Variants in PRKCH observed in about 807,000 individuals in gnomAD.
PRKCH encodes protein kinase C eta type.
In PRKCH, 28 loss-of-function variants were observed where a neutral mutation model predicts 82.5. That is an observed-to-expected ratio of 0.34 (90% CI 0.25 to 0.47). The LOEUF is 0.47. Ranked by LOEUF, PRKCH falls within the 20% of genes least tolerant of loss-of-function variation. The pLI is 1.00. For synonymous variants in PRKCH, 322 were observed against 327.4 expected (o/e 0.98, Z 0.18); for missense variants, 705 against 881.8 (o/e 0.80, Z 2.54).
At chr14:61,342,528 A>C (rs115539003) in intron 1 of PRKCH, among the ~76,000 whole-genome samples, 1 of 152,198 alleles carries the variant, frequency 6.6e-6, no homozygotes, top group Non-Finnish European at 1.5e-5. Flanking sequence ...TAAACCTGCC[A>C]TTCCACTGGG....
At chr14:61,308,400 A>G (rs2045497965) in intron 1 of PRKCH, among the ~76,000 whole-genome samples, 1 of 152,196 alleles carries the variant, frequency 6.6e-6, no homozygotes, top group African/African-American at 2.4e-5. Context: ...TAAAATGAGT[A>G]ACTCAGGGAA....
At chr14:61,464,525 G>A (rs1885169568) in intron 9 of PRKCH, among the ~76,000 whole-genome samples, 1 of 152,130 alleles carries the variant, frequency 6.6e-6, no homozygotes. Flanking sequence ...AATGCATTAG[G>A]TATTTGTCCT....
intron 9 of PRKCH, among the ~76,000 whole-genome samples, chr14:61,482,151 T>C (rs1163760539): frequency 6.6e-6 from 1 of 151,466 alleles, no homozygotes; most frequent in Non-Finnish European, 1.5e-5. Context: ...CATGCCACCA[T>C]GCCCAGCTAA....
At position 61,453,289 on chromosome 14, in the gene PRKCH, C is replaced by T. The variant is rs774258230; in HGVS notation, c.896C>T (p.Ala299Val). The change falls in exon 7 of 14, where the codon GCG becomes GTG. Residue 299 changes from alanine to valine, a missense_variant. This residue lies in a region of PRKCH where 238 missense variants were observed against 258.1 expected (regional missense o/e 0.92). Transcript: ENST00000332981. ...GTGGCCCCTAACTGTGGGGTAAATGCGGTGGAACTTGCCAAGACCCTGGCA... is the reference window on the plus strand; with the variant it reads ...GTGGCCCCTAACTGTGGGGTAAATGTGGTGGAACTTGCCAAGACCCTGGCA... ...ANVAPNCGVN[A>V]VELAKTLAGM... The T allele has an allele frequency of 5.0e-6, 8 of 1,614,152 alleles. No homozygotes were observed. Among genetic ancestry groups the T allele is most frequent in the South Asian group, 2.2e-5 (2 of 91,090 alleles).
At chr14:61,443,575 G>T (rs973104368) in intron 3 of PRKCH, among the ~76,000 whole-genome samples, 3 of 152,152 alleles carry the variant, frequency 2.0e-5, no homozygotes, top group Non-Finnish European at 4.4e-5. Context: ...CAGTAAATTG[G>T]ATAATCAGCC....
intron 1 of PRKCH, among the ~76,000 whole-genome samples, chr14:61,267,396 C>T (rs2045113033): frequency 6.6e-6 from 1 of 152,156 alleles, no homozygotes; most frequent in Non-Finnish European, 1.5e-5. Context: ...TCTCACTCTT[C>T]TGACACTCTA....
chr14:61,283,473 G>T (rs985016046), intron 1 of PRKCH, among the ~76,000 whole-genome samples: 3 of 152,214 alleles, frequency 2.0e-5, no homozygotes, highest in Non-Finnish European at 2.9e-5. Flanking sequence ...CAGGAATGAG[G>T]TTACCATCAG....
At chr14:61,472,765 T>C (rs112391038) in intron 9 of PRKCH, among the ~76,000 whole-genome samples, 6 of 152,318 alleles carry the variant, frequency 3.9e-5, no homozygotes, top group African/African-American at 1.2e-4. Flanking sequence ...ATCTTAAGGC[T>C]GAATAGTCTC....
At chr14:61,476,226 A>G (rs1885720695) in intron 9 of PRKCH, 1 of 152,220 alleles carries the variant, frequency 6.6e-6, no homozygotes, top group African/African-American at 2.4e-5. Flanking sequence ...AATGGTTCCT[A>G]TTATGTTCAC....
intron 1 of PRKCH, among the ~76,000 whole-genome samples, chr14:61,283,402 A>G (rs1347290654): frequency 6.6e-6 from 1 of 152,248 alleles, no homozygotes; most frequent in African/African-American, 2.4e-5. Context: ...TTCAAGTGAG[A>G]TAAATGAAAA....
chr14:61,321,377 CT>C (rs1374159062), upstream of PRKCH, among the ~76,000 whole-genome samples: 1 of 152,238 alleles, frequency 6.6e-6, no homozygotes, highest in African/African-American at 2.4e-5. The surrounding 1 kb of genome is among the most constrained non-coding windows in gnomAD (Gnocchi z 4.1). Context: ...GAACCCTTTC[CT>C]TTTTGGCCTG....
Position 61,322,403 on chromosome 14 carries a change from G to A in PRKCH, c.302G>A (p.Cys101Tyr), listed in dbSNP as rs758009294. The A allele has an allele frequency of 6.2e-7, 1 of 1,609,512 alleles. No homozygotes were observed. The highest frequency in any genetic ancestry group is 1.7e-5 in the Admixed American group (1 of 59,930). The part of the protein sequence containing the change: ...PLGYDHFVAN[C>Y]TLQFQELLRT... ...GGCTACGACCACTTCGTGGCCAACTGCACCCTGCAGTTCCAGGAGCTGCTG... is the reference window on the plus strand; with the variant it reads ...GGCTACGACCACTTCGTGGCCAACTACACCCTGCAGTTCCAGGAGCTGCTG... The change falls in exon 1 of 14, where the codon TGC becomes TAC. Residue 101 changes from cysteine to tyrosine, a missense_variant. Physicochemically the swap from Cys to Tyr is radical, Grantham distance 194 (BLOSUM62 -2). Around this residue, in one of 5 missense-constraint regions of PRKCH, gnomAD observed 246 missense variants for 308.0 expected, o/e 0.80. Coordinates refer to ENST00000332981, the MANE Select transcript of PRKCH (RefSeq NM_006255.5).
At chr14:61,357,548 C>G (rs907780888) in intron 1 of PRKCH, among the ~76,000 whole-genome samples, 3 of 152,176 alleles carry the variant, frequency 2.0e-5, no homozygotes, top group African/African-American at 7.2e-5. Context: ...GTGTTACTGT[C>G]TCTTTCTCCT....
chr14:61,453,542 T>TTCTTTCTTCCTTTCTTTCTTTCTC (rs796717294), intron 7 of PRKCH, among the ~76,000 whole-genome samples, 189 bp downstream of exon 7: 6 of 151,822 alleles, frequency 4.0e-5, no homozygotes, highest in African/African-American at 1.5e-4. Flanking sequence ...CTTTCTTTCT[T>TTCTTTCTTCCTTTCTTTCTTTCTC]TCTTCCTTTC....
At chr14:61,411,143 C>T (rs573126087) in intron 2 of PRKCH, among the ~76,000 whole-genome samples, 1 of 152,318 alleles carries the variant, frequency 6.6e-6, no homozygotes, top group Admixed American at 6.5e-5. Flanking sequence ...AGGCTGTCTT[C>T]ACTATGCAGA....
chr14:61,506,089 C>T (rs892593266), intron 10 of PRKCH, among the ~76,000 whole-genome samples: 2 of 152,122 alleles, frequency 1.3e-5, no homozygotes, highest in African/African-American at 4.8e-5. Context: ...TTCAGTCTTA[C>T]ATTTCAATAG....
intron 1 of PRKCH, among the ~76,000 whole-genome samples, chr14:61,249,903 G>A (rs1383026942): frequency 6.6e-6 from 1 of 151,522 alleles, no homozygotes; most frequent in Non-Finnish European, 1.5e-5. Context: ...ACAGGCGTGA[G>A]CCACCACGCT....
At chr14:61,284,331 A>C (rs2045296519) in intron 1 of PRKCH, among the ~76,000 whole-genome samples, 2 of 152,234 alleles carry the variant, frequency 1.3e-5, no homozygotes, top group Admixed American at 6.5e-5. Context: ...GGCTAAAGAG[A>C]TGTGCCTTAG....
At chr14:61,461,038 T>C (rs916589119) in intron 9 of PRKCH, among the ~76,000 whole-genome samples, 5 of 151,890 alleles carry the variant, frequency 3.3e-5, no homozygotes, top group African/African-American at 1.2e-4. Flanking sequence ...GAAAAAAAAA[T>C]GGGGAGGCAG....
Sources: allele counts gnomAD v4.1 joint callset (sites outside exome capture counted in the v4.1 genomes callset), GRCh38; gene constraint gnomAD v4.1.1; regional missense constraint gnomAD v4.1.1; non-coding constraint Gnocchi (gnomAD v3.1); transcripts MANE v1.5; gene names NCBI Gene and HGNC (gene_info 2026-07-23, HGNC 2026-07-21).